PKNOX2: variants seen among roughly 807,000 people sequenced by gnomAD.
PKNOX2 encodes the protein homeobox protein PKNOX2.
A neutral mutation model predicts 53.1 loss-of-function variants in PKNOX2; 14 were observed. That is an observed-to-expected ratio of 0.26 (90% confidence interval 0.17 to 0.41). PKNOX2 has a LOEUF of 0.41. Ranked by LOEUF, PKNOX2 falls within the 10% of genes least tolerant of loss-of-function variation. The pLI is 1.00. For missense variants in PKNOX2, 496 were observed against 602.8 expected (o/e 0.82, Z 1.85); for synonymous variants, 257 against 242.8 (o/e 1.06, Z -0.54).
chr11:125,285,451 C>T (rs1340963445), intron 2 of PKNOX2, among the ~76,000 whole-genome samples: 1 of 152,208 alleles, frequency 6.6e-6, no homozygotes, highest in Non-Finnish European at 1.5e-5. Context: ...TAATATCGGG[C>T]TATACATCAT....
At chr11:125,237,739 C>A (rs1942829553) in intron 2 of PKNOX2, among the ~76,000 whole-genome samples, 1 of 152,190 alleles carries the variant, frequency 6.6e-6, no homozygotes, top group African/African-American at 2.4e-5. Flanking sequence ...CTAGCAGAAA[C>A]TTCGACCTCA....
chr11:125,295,879 G>A lies in PKNOX2; in HGVS notation c.-129-35940G>A, dbSNP rs532050017. ...TCTGTACCGCCGGTAGCTCGCCCCC[G>A]TTCAATATGTTAAAAGCTCTTCAAG... On this transcript the variant is annotated intron_variant, in intron 2 of 12. Coordinates refer to ENST00000298282, the MANE Select transcript of PKNOX2 (RefSeq NM_001382323.2). 4.6e-5 allele frequency among the ~76,000 whole-genome samples: 7 copies of A among 152,176 alleles called. No individual in the cohort carries two copies. The South Asian group carries it at 6.2e-4, about 14-fold the overall frequency.
chr11:125,284,896 G>A (rs1946800299), intron 2 of PKNOX2, among the ~76,000 whole-genome samples: 2 of 152,006 alleles, frequency 1.3e-5, no homozygotes, highest in African/African-American at 4.8e-5. Flanking sequence ...AGGTTCCCTG[G>A]CTTCTATGGG....
rs1014841069 is a variant in PKNOX2, at chr11:125,422,552, A to G, written c.937-6460A>G. On this transcript the variant is annotated intron_variant, in intron 10 of 12. Transcript: ENST00000298282. This position sits in a 1 kb window ranked among gnomAD's most constrained non-coding sequence, Gnocchi z 4.1. ...CTGGCAATGTGTCCCCAGGGAAGGAAGAATTGGATTGATGCTTCTCCATCC... is the reference window on the plus strand; with the variant it reads ...CTGGCAATGTGTCCCCAGGGAAGGAGGAATTGGATTGATGCTTCTCCATCC... Among the ~76,000 whole-genome samples, 2 of 152,126 alleles carry G rather than the reference A, an allele frequency of 1.3e-5. No homozygotes were observed. Among genetic ancestry groups the G allele is most frequent in the African/African-American group, 4.8e-5 (2 of 41,416 alleles).
intron 2 of PKNOX2, among the ~76,000 whole-genome samples, chr11:125,271,515 C>T (rs1249651585): frequency 6.6e-6 from 1 of 152,204 alleles, no homozygotes; most frequent in Non-Finnish European, 1.5e-5. Flanking sequence ...GCTCTCAGCC[C>T]CACTCCTGTT....
At chr11:125,184,584 AAAG>A (rs1565463803) in intron 1 of PKNOX2, among the ~76,000 whole-genome samples, 1 of 152,202 alleles carries the variant, frequency 6.6e-6, no homozygotes. Flanking sequence ...ACCAGTGTGG[AAAG>A]AAGAAAGCAG....
intron 1 of PKNOX2, among the ~76,000 whole-genome samples, chr11:125,169,033 A>T (rs1166173866): frequency 6.6e-6 from 1 of 152,196 alleles, no homozygotes; most frequent in African/African-American, 2.4e-5. Context: ...AAAGGCTGTT[A>T]TGAGTTTTCC....
chr11:125,328,751 G>T (rs1204123985), intron 2 of PKNOX2, among the ~76,000 whole-genome samples: 1 of 152,208 alleles, frequency 6.6e-6, no homozygotes, highest in East Asian at 1.9e-4. Context: ...GAAGCAGAGA[G>T]CTTGGGAGAA....
intron 1 of PKNOX2, among the ~76,000 whole-genome samples, chr11:125,167,087 G>A (rs1230056725): frequency 1.3e-5 from 2 of 151,836 alleles, no homozygotes; most frequent in Middle Eastern, 3.4e-3. Flanking sequence ...CTCCCACTCG[G>A]GCTGCATCCC....
chr11:125,175,893 G>A lies in PKNOX2; in HGVS notation c.-201+11117G>A, dbSNP rs373157858. ...AAACATAAATGACAGCGCCTACACC[G>A]TGACTTGCATGTAATACGTGGGGGA... is the stretch of plus-strand genomic sequence containing the variant. On this transcript the variant is annotated intron_variant, in intron 1 of 12. Transcript: ENST00000298282. 3.7e-4 allele frequency among the ~76,000 whole-genome samples: 56 copies of A among 152,314 alleles called. No homozygotes were observed. In the East Asian group the frequency reaches 7.7e-3, roughly 21 times the overall value.
intron 5 of PKNOX2, among the ~76,000 whole-genome samples, chr11:125,374,511 C>T (rs1952728124): frequency 6.6e-6 from 1 of 152,196 alleles, no homozygotes; most frequent in Admixed American, 6.5e-5. Flanking sequence ...TTCCTCTGTA[C>T]CAGGCAAAGC....
At chr11:125,407,496 A>G (rs1955178101) in intron 7 of PKNOX2, among the ~76,000 whole-genome samples, 1 of 152,214 alleles carries the variant, frequency 6.6e-6, no homozygotes, top group African/African-American at 2.4e-5. Context: ...ATTCTCAAAT[A>G]TCCCTACCAG....
chr11:125,429,941 T>C, intron 11 of PKNOX2, 22 bp from the exon 12 acceptor site: 2 of 1,609,952 alleles, frequency 1.2e-6, no homozygotes, highest in Non-Finnish European at 8.5e-7. Flanking sequence ...ACTAACCAGG[T>C]CTCCACTTTA....
intron 3 of PKNOX2, among the ~76,000 whole-genome samples, chr11:125,342,719 A>T (rs931406738): frequency 4.0e-5 from 6 of 150,480 alleles, no homozygotes; most frequent in Non-Finnish European, 8.9e-5. Context: ...TCATTTTCAG[A>T]TCTGTTTCTC....
intron 2 of PKNOX2, among the ~76,000 whole-genome samples, chr11:125,314,493 C>T (rs1191325779): frequency 6.6e-6 from 1 of 152,136 alleles, no homozygotes; most frequent in Non-Finnish European, 1.5e-5. Flanking sequence ...GCTGCTTCCC[C>T]GCATGCTTTT....
At chr11:125,171,159 G>T (rs1955291071) in intron 1 of PKNOX2, among the ~76,000 whole-genome samples, 1 of 152,178 alleles carries the variant, frequency 6.6e-6, no homozygotes, top group African/African-American at 2.4e-5. Flanking sequence ...TAGTTGTTGA[G>T]GATTCTTGGA....
rs116472562 is a variant in PKNOX2, at chr11:125,320,161, C to T, written c.-129-11658C>T. ...GTGAGCAGAAGTCTATAGAATGTTC[C>T]GGTGCTTTATGAAAGGAGAGGCATA... On this transcript the variant is annotated intron_variant, in intron 2 of 12. Coordinates refer to ENST00000298282, the MANE Select transcript of PKNOX2 (RefSeq NM_001382323.2). 3.5e-3 allele frequency among the ~76,000 whole-genome samples: 526 copies of T among 152,230 alleles called. 1 individual carries two copies. Among genetic ancestry groups the T allele is most frequent in the African/African-American group, 0.012 (491 of 41,516 alleles).
At chr11:125,403,118 T>C (rs1017953184) in intron 7 of PKNOX2, among the ~76,000 whole-genome samples, 5 of 151,898 alleles carry the variant, frequency 3.3e-5, no homozygotes, top group Admixed American at 2.6e-4. Context: ...AGAGAGGAGA[T>C]GGGGTGAAGG....
intron 1 of PKNOX2, among the ~76,000 whole-genome samples, chr11:125,212,484 T>C (rs1256167090): frequency 1.3e-5 from 2 of 148,230 alleles, no homozygotes; most frequent in African/African-American, 5.0e-5. Flanking sequence ...AGACAGAGTC[T>C]TGCTCTGTTG....
Sources: gnomAD v4.1 joint callset for allele counts (sites outside exome capture counted in the v4.1 genomes callset) on GRCh38, gnomAD v4.1.1 for gene constraint, Gnocchi (gnomAD v3.1) non-coding constraint, MANE v1.5 for transcripts, NCBI Gene and HGNC (gene_info 2026-07-23, HGNC 2026-07-21) for gene names.